Variants in CLASP2 observed in about 807,000 individuals in gnomAD.
The protein encoded by CLASP2 is CLIP-associating protein 2.
Under a neutral mutation model 194.4 loss-of-function variants are expected in CLASP2, and 47 were observed. That is an observed-to-expected ratio of 0.24 (90% confidence interval 0.19 to 0.31). The LOEUF (loss-of-function observed/expected upper bound fraction) is 0.31. Among genes scored for constraint, CLASP2 ranks in the 10% least tolerant of loss-of-function variants. The probability of loss-of-function intolerance (pLI) is 1.00; values close to 1 mark genes in which losing one functional copy is unlikely to be tolerated. For synonymous variants in CLASP2, 619 were observed against 633.5 expected (o/e 0.98, Z 0.34); for missense variants, 1,445 against 1,823.6 (o/e 0.79, Z 3.78).
At chr3:33,680,619 G>C (rs2089653723) in intron 6 of CLASP2, among the ~76,000 whole-genome samples, 4 of 152,048 alleles carry the variant, frequency 2.6e-5, no homozygotes, top group African/African-American at 9.6e-5. Flanking sequence ...GACCAGCCTG[G>C]ACAACATAGG....
At chr3:33,646,904 G>A (rs932604857) in intron 7 of CLASP2, among the ~76,000 whole-genome samples, 2 of 151,936 alleles carry the variant, frequency 1.3e-5, no homozygotes, top group Non-Finnish European at 1.5e-5. Context: ...TCTAACACTT[G>A]GTTTTGTTCA....
At chr3:33,509,069 A>G (rs142869056) in intron 37 of CLASP2, among the ~76,000 whole-genome samples, 35 of 152,322 alleles carry the variant, frequency 2.3e-4, no homozygotes, top group East Asian at 1.5e-3. Flanking sequence ...TACTGAGTTG[A>G]TACTGATTCA....
intron 12 of CLASP2, among the ~76,000 whole-genome samples, chr3:33,617,840 T>C (rs1234094990): frequency 6.6e-6 from 1 of 150,484 alleles, no homozygotes; most frequent in Admixed American, 6.6e-5. Context: ...ATGCCAAAGA[T>C]ACTGATAAAA....
intron 10 of CLASP2, 100 bp downstream of exon 10, chr3:33,626,888 T>C (rs2078154584): frequency 2.2e-5 from 14 of 650,206 alleles, no homozygotes; most frequent in Middle Eastern, 4.1e-4. Flanking sequence ...CTCTCTATTT[T>C]ATAAGTGAAT....
intron 1 of CLASP2, among the ~76,000 whole-genome samples, chr3:33,716,983 A>G (rs974608479): frequency 3.9e-5 from 6 of 152,248 alleles, no homozygotes; most frequent in African/African-American, 2.4e-5. Context: ...CAAGAAAGAA[A>G]AGTAACTACT....
chr3:33,588,717 T>C, intron 21 of CLASP2: 1 of 702,398 alleles, frequency 1.4e-6, no homozygotes, highest in South Asian at 1.5e-5. Flanking sequence ...CCAATGGTAT[T>C]AGCAGATTGT....
chr3:33,499,952 A>G (rs765840837), intron 38 of CLASP2, among the ~76,000 whole-genome samples: 10 of 152,162 alleles, frequency 6.6e-5, no homozygotes, highest in Admixed American at 5.9e-4. Flanking sequence ...AGAATGTTTT[A>G]AATATCTCTG....
At chr3:33,628,394 C>CG (rs1450227262) in intron 9 of CLASP2, among the ~76,000 whole-genome samples, 2 of 152,118 alleles carry the variant, frequency 1.3e-5, no homozygotes, top group Non-Finnish European at 2.9e-5. Flanking sequence ...GTTCCCCTTC[C>CG]CCCAATAAGG....
intron 25 of CLASP2, among the ~76,000 whole-genome samples, chr3:33,572,220 T>A (rs1346083953): frequency 2.6e-5 from 4 of 152,196 alleles, no homozygotes; most frequent in Non-Finnish European, 5.9e-5. Context: ...CTATGCCTAC[T>A]CCCTTGCCAT....
chr3:33,659,501 C>T (rs2084914724), intron 7 of CLASP2: 7 of 682,724 alleles, frequency 1.0e-5, no homozygotes, highest in Admixed American at 6.3e-5. Flanking sequence ...ATCCTTTTGT[C>T]GTTACCTTTT....
intron 33 of CLASP2, among the ~76,000 whole-genome samples, chr3:33,538,558 T>C (rs2057799398): frequency 6.6e-6 from 1 of 152,178 alleles, no homozygotes; most frequent in South Asian, 2.1e-4. Flanking sequence ...TAAAACTCTA[T>C]AATACTCATC....
At chr3:33,695,080 A>T (rs1176452248) in intron 2 of CLASP2, among the ~76,000 whole-genome samples, 8 of 145,702 alleles carry the variant, frequency 5.5e-5, no homozygotes, top group East Asian at 4.0e-4. Context: ...TTTTTTTTTT[A>T]AAGAGATAGA....
chr3:33,592,371 G>T lies in CLASP2; in HGVS notation c.2068+24C>A, dbSNP rs768355040. 4.2e-5 allele frequency: 63 copies of T among 1,482,374 alleles called. No homozygotes were observed. The Middle Eastern group carries it at 5.2e-4, about 12-fold the overall frequency. The allele number at this position is 1,482,374 out of a possible 1,614,324, so 91.8% of individuals were successfully genotyped here. A position where few individuals can be genotyped will look rare whatever the true frequency, so the allele number is the denominator to read the frequency against. The stretch of plus-strand genomic sequence containing the variant: ...TTATCCTAACATAGTGACAAATATA[G>T]GAGGGCTGATAAGCAATACATACGC... On this transcript the variant is annotated intron_variant, in intron 21 of 38. Transcript: ENST00000682230.
intron 31 of CLASP2, among the ~76,000 whole-genome samples, chr3:33,544,048 C>T (rs1193252218): frequency 2.6e-5 from 4 of 152,158 alleles, no homozygotes; most frequent in African/African-American, 7.2e-5. Flanking sequence ...TACCTTAAGC[C>T]TGCCATCAGT....
intron 26 of CLASP2, among the ~76,000 whole-genome samples, chr3:33,570,193 C>T (rs1253251211): frequency 1.3e-5 from 2 of 152,060 alleles, no homozygotes; most frequent in African/African-American, 4.8e-5. Flanking sequence ...TTTTAATCAA[C>T]ATTAAAAATG....
At chr3:33,523,031 G>A (rs1234780670) in intron 34 of CLASP2, among the ~76,000 whole-genome samples, 1 of 152,270 alleles carries the variant, frequency 6.6e-6, no homozygotes, top group East Asian at 1.9e-4. Context: ...AGCTGAGATC[G>A]CGCCACTGCA....
At chr3:33,502,118 T>C (rs1230383207) in intron 37 of CLASP2, 3 of 176,354 alleles carry the variant, frequency 1.7e-5, no homozygotes, top group Non-Finnish European at 3.6e-5. Context: ...CACTCCTCAC[T>C]ATCCGATAAA....
chr3:33,501,672 T>C lies in CLASP2; in HGVS notation c.4414A>G (p.Ser1472Gly), dbSNP rs1306348881. The C allele has an allele frequency of 5.0e-6, 8 of 1,612,314 alleles. No individual in the cohort carries two copies. The highest frequency in any genetic ancestry group is 6.8e-6 in the Non-Finnish European group (8 of 1,178,526). The stretch of plus-strand genomic sequence containing the variant: ...CTTACTTTACTGCCAGTAAGTTGAC[T>C]GAGATGTGGTTTTAGTTCATCACCA... Reference protein sequence around the residue: ...VIGDELKPHLSQLTGSKMKLL... With the variant: ...VIGDELKPHLGQLTGSKMKLL... Residue 1472 changes from serine to glycine, a missense_variant, in exon 38 of 39, where the codon AGT (serine) becomes GGT (glycine). Physicochemically the swap from Ser to Gly is moderately conservative, Grantham distance 56. Around this residue, in one of 4 missense-constraint regions of CLASP2, gnomAD observed 732 missense variants for 987.9 expected, o/e 0.74. Coordinates refer to ENST00000682230, the MANE Select transcript of CLASP2 (RefSeq NM_001365631.1).
rs113067430 is a variant in CLASP2, at chr3:33,557,812, T to C, written c.3009+1495A>G. ...GCAGCTCTAAGAAAACAACATTATA[T>C]TGAGTGTAAGTTGTGAAAGGAAAAT... On this transcript the variant is annotated intron_variant, in intron 29 of 38. Coordinates refer to ENST00000682230, the MANE Select transcript of CLASP2 (RefSeq NM_001365631.1). 9.8e-5 allele frequency among the ~76,000 whole-genome samples: 15 copies of C among 152,286 alleles called. 1 individual carries two copies. Among genetic ancestry groups the C allele is most frequent in the South Asian group, 6.2e-4 (3 of 4,824 alleles).
Sources: gnomAD v4.1 joint callset for allele counts (sites outside exome capture counted in the v4.1 genomes callset) on GRCh38, gnomAD v4.1.1 for gene constraint, gnomAD v4.1.1 regional missense constraint, MANE v1.5 for transcripts, NCBI Gene and HGNC (gene_info 2026-07-23, HGNC 2026-07-21) for gene names.